The following GRM3 variants were observed in gnomAD, a reference collection of about 807,000 sequenced individuals.
GRM3 encodes the protein metabotropic glutamate receptor 3.
A neutral mutation model predicts 70.5 loss-of-function variants in GRM3; 26 were observed. The observed-to-expected ratio is 0.37, with a 90% CI of 0.27 to 0.51. The LOEUF (loss-of-function observed/expected upper bound fraction) is 0.51, where lower values mean the gene tolerates loss of function less well. GRM3 is among the 20% of genes least tolerant of loss of function. The pLI, the probability that GRM3 is intolerant of heterozygous loss-of-function variation, is 0.93. For missense variants in GRM3, 859 were observed against 1,123.8 expected, an observed-to-expected ratio of 0.76 and a Z score of 3.37; for synonymous variants, 443 against 434.9, an observed-to-expected ratio of 1.02 and a Z score of -0.23.
In GRM3 at chr7:86,682,157, G is replaced by A. The variant is rs557442533; in HGVS notation, c.-141+37285G>A. ...GGATTAAATAGACAGATGATAGACC[G>A]ACAGACATATTTTTACAAGTTTTTC... On this transcript the variant is annotated intron_variant, in intron 1 of 5. Coordinates refer to ENST00000361669, the MANE Select transcript of GRM3 (RefSeq NM_000840.3). Among the ~76,000 whole-genome samples the A allele has an allele frequency of 2.2e-3, 331 of 152,258 alleles. 5 individuals are homozygous for A. The South Asian group carries it at 0.022, about 10-fold the overall frequency.
At chr7:86,863,754 A>ATCAACTACCC in intron 5 of GRM3, among the ~76,000 whole-genome samples, 2 of 152,188 alleles carry the variant, frequency 1.3e-5, no homozygotes, top group Non-Finnish European at 2.9e-5. Flanking sequence ...ACCTATAAAA[A>ATCAACTACCC]TTGCAGTGAG....
intron 3 of GRM3, among the ~76,000 whole-genome samples, chr7:86,806,481 G>C (rs1463879522): frequency 6.6e-6 from 1 of 152,088 alleles, no homozygotes; most frequent in Non-Finnish European, 1.5e-5. Flanking sequence ...GTTTTGATTT[G>C]CATTTCTCTG....
chr7:86,823,208 T>C (rs1329158490), intron 3 of GRM3, among the ~76,000 whole-genome samples: 2 of 152,200 alleles, frequency 1.3e-5, no homozygotes, highest in African/African-American at 4.8e-5. Context: ...GAGGTGCTGT[T>C]CATGTTGTAT....
Position 86,781,549 on chromosome 7 carries a change from G to T in GRM3, c.469-4712G>T, listed in dbSNP as rs182080815. ...TAATATCACCTTGTTTCCTGAGAGG[G>T]AAACTAGTCCTTTGAGAAAATCAAG... is the stretch of plus-strand genomic sequence containing the variant. On this transcript the variant is annotated intron_variant, in intron 2 of 5. Transcript: ENST00000361669. Among the ~76,000 whole-genome samples, 72 of 152,196 alleles carry T rather than the reference G, an allele frequency of 4.7e-4. 1 individual carries two copies. Among genetic ancestry groups the T allele is most frequent in the Non-Finnish European group, 1.9e-4 (13 of 67,966 alleles).
Position 86,655,820 on chromosome 7 carries a change from C to CTGTG in GRM3, c.-141+10977_-141+10980dup, listed in dbSNP as rs371609030. On this transcript the variant is annotated intron_variant, in intron 1 of 5. Coordinates refer to ENST00000361669, the MANE Select transcript of GRM3 (RefSeq NM_000840.3). Reference sequence around the variant, plus strand: ...GACCCCAAGATTTTTAAGGCTAACTCTGTGTGTGTGTGTGTGTGTGTGTGT... The same window carrying CTGTG: ...GACCCCAAGATTTTTAAGGCTAACTCTGTGTGTGTGTGTGTGTGTGTGTGTGTGT... Among the ~76,000 whole-genome samples the CTGTG allele has an allele frequency of 4.6e-3, 662 of 144,538 alleles. 8 individuals carry two copies. The highest frequency in any genetic ancestry group is 0.014 in the African/African-American group (540 of 37,852). The allele number at this position is 144,538 out of a possible 152,430, so 94.8% of individuals were successfully genotyped here. A position where few individuals can be genotyped will look rare whatever the true frequency, so the allele number is the denominator to read the frequency against.
intron 5 of GRM3, among the ~76,000 whole-genome samples, chr7:86,861,840 T>C (rs1798965957): frequency 6.6e-6 from 1 of 152,186 alleles, no homozygotes; most frequent in South Asian, 2.1e-4. Context: ...TAAAATACTC[T>C]CACTGCTGTA....
chr7:86,829,428 C>T (rs1187360218), intron 3 of GRM3, among the ~76,000 whole-genome samples: 1 of 152,214 alleles, frequency 6.6e-6, no homozygotes, highest in Non-Finnish European at 1.5e-5. Context: ...ACTTGCTTAA[C>T]TGGTGCAAGA....
intron 2 of GRM3, among the ~76,000 whole-genome samples, chr7:86,777,985 G>A (rs1172084361): frequency 6.6e-6 from 1 of 152,108 alleles, no homozygotes; most frequent in Non-Finnish European, 1.5e-5. Flanking sequence ...CAACTCAATG[G>A]TTCTCTTCCA....
At chr7:86,841,996 G>A (rs1458863595) in intron 4 of GRM3, among the ~76,000 whole-genome samples, 1 of 152,092 alleles carries the variant, frequency 6.6e-6, no homozygotes, top group Admixed American at 6.6e-5. Context: ...CCAATCCTAA[G>A]TTTACAAAAG....
intron 3 of GRM3, among the ~76,000 whole-genome samples, chr7:86,800,673 G>T (rs1797660941): frequency 6.6e-6 from 1 of 152,122 alleles, no homozygotes; most frequent in African/African-American, 2.4e-5. Context: ...AGAAAGACTA[G>T]AACTAGATAT....
chr7:86,745,611 A>C (rs1796083634), intron 1 of GRM3, among the ~76,000 whole-genome samples: 1 of 152,104 alleles, frequency 6.6e-6, no homozygotes. Context: ...TCTCATGAAG[A>C]GCTTAGGAGA....
chr7:86,715,234 A>G (rs548336733), intron 1 of GRM3, among the ~76,000 whole-genome samples: 2 of 152,120 alleles, frequency 1.3e-5, no homozygotes, highest in South Asian at 4.1e-4. Flanking sequence ...AACACCAATT[A>G]CCATTTCCTG....
intron 5 of GRM3, among the ~76,000 whole-genome samples, chr7:86,859,253 C>T (rs1017641738): frequency 2.0e-5 from 3 of 152,188 alleles, no homozygotes; most frequent in African/African-American, 4.8e-5. Flanking sequence ...CAACCCACTG[C>T]ACCAGGCCCA....
At chr7:86,695,169 C>T (rs1794786903) in intron 1 of GRM3, among the ~76,000 whole-genome samples, 2 of 151,534 alleles carry the variant, frequency 1.3e-5, no homozygotes, top group African/African-American at 4.8e-5. Flanking sequence ...GAACTGTAGG[C>T]AAAAAAAGAC....
At chr7:86,809,989 G>T (rs1407554641) in intron 3 of GRM3, among the ~76,000 whole-genome samples, 1 of 152,018 alleles carries the variant, frequency 6.6e-6, no homozygotes, top group South Asian at 2.1e-4. Context: ...GCTCAAGGAA[G>T]ACCTCATGAC....
chr7:86,782,034 T>C (rs979306003), intron 2 of GRM3, among the ~76,000 whole-genome samples: 3 of 152,212 alleles, frequency 2.0e-5, no homozygotes, highest in African/African-American at 4.8e-5. Context: ...ATTAAACCCA[T>C]GCTGATTCCT....
At chr7:86,771,073 G>A (rs1796726814) in intron 2 of GRM3, among the ~76,000 whole-genome samples, 1 of 152,022 alleles carries the variant, frequency 6.6e-6, no homozygotes, top group Non-Finnish European at 1.5e-5. Context: ...TATATTTAGA[G>A]CCAACATAAG....
intron 5 of GRM3, 143 bp downstream of exon 5, chr7:86,850,687 G>A (rs1798740115): frequency 7.6e-6 from 5 of 657,314 alleles, no homozygotes; most frequent in African/African-American, 3.6e-5. Flanking sequence ...CTGTGAGTCA[G>A]GTATTGTGCT....
chr7:86,778,725 G>GA (rs759488200), intron 2 of GRM3, among the ~76,000 whole-genome samples: 35 of 152,160 alleles, frequency 2.3e-4, no homozygotes, highest in Admixed American at 2.6e-4. Flanking sequence ...TCAACACACA[G>GA]AAATAGAAGA....
Sources: allele counts gnomAD v4.1 joint callset (sites outside exome capture counted in the v4.1 genomes callset), GRCh38; gene constraint gnomAD v4.1.1; transcripts MANE v1.5; gene names NCBI Gene and HGNC (gene_info 2026-07-23, HGNC 2026-07-21).